GPM6A: variants seen among roughly 807,000 people sequenced by gnomAD.
GPM6A encodes the protein neuronal membrane glycoprotein M6-a.
GPM6A carries 7 observed loss-of-function variants against 32.1 expected under a neutral mutation model. The observed-to-expected ratio is 0.22, with a 90% CI of 0.12 to 0.41. The LOEUF is 0.41. GPM6A is among the 10% of genes least tolerant of loss of function. The pLI, the probability that GPM6A is intolerant of heterozygous loss-of-function variation, is 1.00. For missense variants in GPM6A, 235 were observed against 347.2 expected, an observed-to-expected ratio of 0.68 and a Z score of 2.57; for synonymous variants, 130 against 123.4, an observed-to-expected ratio of 1.05 and a Z score of -0.35.
chr4:175,668,554 G>A (rs1390154640), intron 3 of GPM6A, among the ~76,000 whole-genome samples: 2 of 22,580 alleles, frequency 8.9e-5, no homozygotes, highest in Non-Finnish European at 6.6e-4. Context: ...TATTTTAAAA[G>A]GCATTAAAGT....
At chr4:175,916,134 T>A (rs1405812104) in intron 1 of GPM6A, among the ~76,000 whole-genome samples, 2 of 152,176 alleles carry the variant, frequency 1.3e-5, no homozygotes, top group African/African-American at 4.8e-5. Flanking sequence ...TCTTCACAGG[T>A]CCCCGCTATG....
chr4:175,799,183 C>G (rs887688594), intron 1 of GPM6A, among the ~76,000 whole-genome samples: 2 of 152,218 alleles, frequency 1.3e-5, no homozygotes, highest in African/African-American at 4.8e-5. Context: ...GCAGCACTCA[C>G]AATCTCCCTT....
chr4:175,989,703 A>G (rs1470204155), intron 1 of GPM6A, among the ~76,000 whole-genome samples: 1 of 152,160 alleles, frequency 6.6e-6, no homozygotes, highest in East Asian at 1.9e-4. Context: ...ATAGTTAAAT[A>G]TGTTAAATTA....
At chr4:175,713,054 T>C (rs1745642924) in intron 1 of GPM6A, among the ~76,000 whole-genome samples, 1 of 152,182 alleles carries the variant, frequency 6.6e-6, no homozygotes, top group Admixed American at 6.5e-5. Context: ...AAAAGCTCCC[T>C]GGCATAAAGT....
At chr4:175,807,441 G>A (rs1470441396) in intron 1 of GPM6A, 1 of 152,140 alleles carries the variant, frequency 6.6e-6, no homozygotes, top group African/African-American at 2.4e-5. Context: ...GAGGTCTTTC[G>A]ATTGCAAAGA....
intron 1 of GPM6A, among the ~76,000 whole-genome samples, chr4:175,916,775 A>G (rs1450385379): frequency 6.6e-6 from 1 of 152,192 alleles, no homozygotes; most frequent in Non-Finnish European, 1.5e-5. Flanking sequence ...CAAGGATAGG[A>G]GCAGTCAAGC....
intron 1 of GPM6A, among the ~76,000 whole-genome samples, chr4:175,740,186 C>A (rs1249496176): frequency 1.3e-5 from 2 of 151,928 alleles, no homozygotes. Flanking sequence ...GCACTGAAAT[C>A]ATATTCTATC....
intron 1 of GPM6A, among the ~76,000 whole-genome samples, chr4:175,704,321 TCACACA>T (rs112980051): frequency 6.7e-6 from 1 of 150,164 alleles, no homozygotes; most frequent in African/African-American, 2.4e-5. Context: ...TCTCTTTCTC[TCACACA>T]CACACACACA....
upstream of GPM6A, among the ~76,000 whole-genome samples, chr4:175,817,190 C>T (rs1735133184): frequency 6.6e-6 from 1 of 152,228 alleles, no homozygotes; most frequent in South Asian, 2.1e-4. Flanking sequence ...AAAACCACCA[C>T]AAACACTGCA....
At chr4:175,771,961 T>G (rs559734209) in intron 1 of GPM6A, among the ~76,000 whole-genome samples, 1 of 152,326 alleles carries the variant, frequency 6.6e-6, no homozygotes, top group South Asian at 2.1e-4. Context: ...TAATTTTTCT[T>G]GATACGAGAG....
At chr4:175,936,773 G>A (rs1218836831) in intron 1 of GPM6A, among the ~76,000 whole-genome samples, 1 of 152,028 alleles carries the variant, frequency 6.6e-6, no homozygotes, top group Admixed American at 6.6e-5. Flanking sequence ...ACAAGACTCA[G>A]AGAAACTACG....
intron 1 of GPM6A, among the ~76,000 whole-genome samples, chr4:175,711,518 T>A (rs1454564963): frequency 6.9e-6 from 1 of 144,612 alleles, no homozygotes; most frequent in Non-Finnish European, 1.5e-5. Flanking sequence ...TATATATAAA[T>A]ACATATATGT....
At chr4:175,674,267 T>C (rs1167369999) in intron 2 of GPM6A, among the ~76,000 whole-genome samples, 3 of 152,240 alleles carry the variant, frequency 2.0e-5, no homozygotes, top group African/African-American at 7.2e-5. Flanking sequence ...AACTTCTGCC[T>C]GCCGTGTTCA....
At chr4:175,980,311 C>T (rs1037297801) in intron 1 of GPM6A, among the ~76,000 whole-genome samples, 1 of 152,152 alleles carries the variant, frequency 6.6e-6, no homozygotes, top group Non-Finnish European at 1.5e-5. Context: ...GAGCCCAGAT[C>T]GTGCCACTGC....
intron 1 of GPM6A, chr4:175,795,796 C>A (rs939501460): frequency 1.1e-4 from 17 of 152,162 alleles, no homozygotes; most frequent in African/African-American, 4.1e-4. Context: ...AGTACCGTGG[C>A]TTCCAACTTA....
chr4:175,798,223 A>G (rs1425866854), intron 1 of GPM6A, among the ~76,000 whole-genome samples: 1 of 152,224 alleles, frequency 6.6e-6, no homozygotes, highest in Non-Finnish European at 1.5e-5. Context: ...TAAGTTATTC[A>G]TTTATAACGA....
chr4:175,746,605 A>T (rs1413627725), intron 1 of GPM6A, among the ~76,000 whole-genome samples: 1 of 152,174 alleles, frequency 6.6e-6, no homozygotes, highest in Non-Finnish European at 1.5e-5. Context: ...ACCCAAAATG[A>T]GTAGATCCAA....
intron 1 of GPM6A, among the ~76,000 whole-genome samples, chr4:175,884,367 G>A (rs147950189): frequency 6.6e-6 from 1 of 152,178 alleles, no homozygotes; most frequent in East Asian, 1.9e-4. Flanking sequence ...CTATATTCAT[G>A]GTTCTTTCAT....
chr4:175,674,907 TA>T (rs955260692), intron 2 of GPM6A, among the ~76,000 whole-genome samples: 2 of 151,350 alleles, frequency 1.3e-5, no homozygotes, highest in African/African-American at 4.8e-5. Flanking sequence ...TTTTTTTTTT[TA>T]AAAGAAAAAA....
Sources: gnomAD v4.1 joint callset for allele counts (sites outside exome capture counted in the v4.1 genomes callset) on GRCh38, gnomAD v4.1.1 for gene constraint, MANE v1.5 for transcripts, NCBI Gene and HGNC (gene_info 2026-07-23, HGNC 2026-07-21) for gene names.